The following CTNNA3 variants were observed in gnomAD, a reference collection of about 807,000 sequenced individuals.
CTNNA3 encodes the protein catenin alpha-3.
In CTNNA3, 76 loss-of-function variants were observed where a neutral mutation model predicts 95.7. The observed-to-expected ratio is 0.79, with a 90% CI of 0.66 to 0.96. The LOEUF (loss-of-function observed/expected upper bound fraction) is 0.96. Among genes scored for constraint, CTNNA3 ranks in the 40% least tolerant of loss-of-function variants. The pLI is 0.00. For synonymous variants in CTNNA3, 431 were observed against 374.4 expected (o/e 1.15, Z -1.74); for missense variants, 1,191 against 1,089.8 (o/e 1.09, Z -1.31).
At chr10:67,745,322 T>C (rs1021343849) in intron 1 of CTNNA3, among the ~76,000 whole-genome samples, 12 of 152,124 alleles carry the variant, frequency 7.9e-5, no homozygotes, top group African/African-American at 2.7e-4. Context: ...TGGAATACCA[T>C]GCAGCCATAA....
At chr10:67,097,376 T>C (rs1302494436) in intron 7 of CTNNA3, among the ~76,000 whole-genome samples, 1 of 151,880 alleles carries the variant, frequency 6.6e-6, no homozygotes, top group African/African-American at 2.4e-5. Context: ...AGTAAAGAAT[T>C]AAGCAGTTTC....
chr10:66,897,576 T>C (rs915216259), intron 7 of CTNNA3, among the ~76,000 whole-genome samples: 2 of 152,158 alleles, frequency 1.3e-5, no homozygotes, highest in African/African-American at 4.8e-5. Flanking sequence ...TGTATACTCC[T>C]GGTGGGTATT....
At chr10:67,577,239 C>T (rs1297329912) in intron 3 of CTNNA3, among the ~76,000 whole-genome samples, 5 of 151,994 alleles carry the variant, frequency 3.3e-5, no homozygotes, top group South Asian at 4.2e-4. Flanking sequence ...TTTTAATGAT[C>T]GCCATTCTAA....
At chr10:66,137,861 G>C (rs998874956) in intron 13 of CTNNA3, among the ~76,000 whole-genome samples, 9 of 152,046 alleles carry the variant, frequency 5.9e-5, no homozygotes, top group African/African-American at 2.2e-4. Context: ...AATGTCGGGG[G>C]ATGGCTTGAG....
chr10:67,318,435 G>A (rs1219463522), intron 5 of CTNNA3, among the ~76,000 whole-genome samples: 1 of 152,110 alleles, frequency 6.6e-6, no homozygotes, highest in Non-Finnish European at 1.5e-5. Flanking sequence ...GTGGATGTTG[G>A]GGGCTCACAG....
intron 10 of CTNNA3, among the ~76,000 whole-genome samples, chr10:66,537,006 G>A (rs909761646): frequency 2.6e-5 from 4 of 151,720 alleles, no homozygotes; most frequent in Admixed American, 2.6e-4. Context: ...AAAGTCCGAG[G>A]TTAAATTAGA....
chr10:66,995,619 ATTT>A (rs1301483078), intron 7 of CTNNA3, among the ~76,000 whole-genome samples: 3 of 152,128 alleles, frequency 2.0e-5, no homozygotes, highest in Non-Finnish European at 2.9e-5. Flanking sequence ...ACATCTCTAT[ATTT>A]TTTTATTAAG....
At chr10:67,296,152 TTC>T (rs1840020605) in intron 5 of CTNNA3, among the ~76,000 whole-genome samples, 1 of 152,224 alleles carries the variant, frequency 6.6e-6, no homozygotes, top group Admixed American at 6.5e-5. Context: ...GCAAAGAGGT[TTC>T]TGGAGGAAGC....
At chr10:67,068,211 G>A (rs539498430) in intron 7 of CTNNA3, among the ~76,000 whole-genome samples, 64 of 152,258 alleles carry the variant, frequency 4.2e-4, no homozygotes, top group African/African-American at 1.5e-3. Flanking sequence ...AAAGAAGGTG[G>A]ATTGGACCTG....
intron 15 of CTNNA3, among the ~76,000 whole-genome samples, chr10:66,025,177 C>T (rs2133440007): frequency 6.6e-6 from 1 of 152,358 alleles, no homozygotes; most frequent in East Asian, 1.9e-4. Context: ...ATCTCACATA[C>T]TCCAGAGTGA....
At chr10:66,416,752 C>G (rs2093149632) in intron 11 of CTNNA3, among the ~76,000 whole-genome samples, 1 of 151,760 alleles carries the variant, frequency 6.6e-6, no homozygotes, top group Non-Finnish European at 1.5e-5. Context: ...CTTTCTCAGA[C>G]AAGATAAAAC....
rs74142684 is a variant in CTNNA3 at position 66,148,743 on chromosome 10, G to A, written c.1885-45494C>T. On this transcript the variant is annotated intron_variant, in intron 13 of 17. Transcript: ENST00000433211. ...AAATAAATAAATTATCCACTCTAAA[G>A]TAATTTGTTATAGCAGCAGGAGCAG... Among the ~76,000 whole-genome samples, 124 of 151,522 alleles carry A rather than the reference G, an allele frequency of 8.2e-4. 1 individual carries two copies. The highest frequency in any genetic ancestry group is 2.8e-3 in the African/African-American group (116 of 41,112).
chr10:67,674,073 T>C (rs1840492267), intron 1 of CTNNA3, among the ~76,000 whole-genome samples: 1 of 151,892 alleles, frequency 6.6e-6, no homozygotes, highest in Admixed American at 6.6e-5. Flanking sequence ...CATTCTGTTA[T>C]GGGCTAAATT....
chr10:66,079,595 T>A (rs550065178), intron 14 of CTNNA3, among the ~76,000 whole-genome samples: 48 of 152,112 alleles, frequency 3.2e-4, no homozygotes, highest in Non-Finnish European at 6.0e-4. Flanking sequence ...AATTTCATTC[T>A]ATCTTTCTAA....
intron 16 of CTNNA3, among the ~76,000 whole-genome samples, chr10:65,986,729 C>A (rs1482787030): frequency 6.6e-6 from 1 of 150,532 alleles, no homozygotes; most frequent in Admixed American, 6.6e-5. Flanking sequence ...TTACATAGAA[C>A]CACAAAAGAC....
intron 4 of CTNNA3, among the ~76,000 whole-genome samples, chr10:67,538,709 G>A (rs1840567856): frequency 6.6e-6 from 1 of 152,118 alleles, no homozygotes; most frequent in South Asian, 2.1e-4. Context: ...ACTTAATAGA[G>A]TAGTTATATT....
At chr10:67,263,850 C>T (rs188954768) in intron 5 of CTNNA3, among the ~76,000 whole-genome samples, 82 of 152,010 alleles carry the variant, frequency 5.4e-4, no homozygotes, top group Middle Eastern at 6.8e-3. Flanking sequence ...CCCCTGGGAA[C>T]GAGAACTTCA....
intron 5 of CTNNA3, among the ~76,000 whole-genome samples, chr10:67,502,437 G>T (rs1043502331): frequency 6.6e-6 from 1 of 152,190 alleles, no homozygotes; most frequent in Non-Finnish European, 1.5e-5. Context: ...CCAGTCAGGA[G>T]GCATGGGGGT....
At chr10:66,474,846 T>C (rs907915334) in intron 11 of CTNNA3, among the ~76,000 whole-genome samples, 1 of 152,056 alleles carries the variant, frequency 6.6e-6, no homozygotes, top group Non-Finnish European at 1.5e-5. Context: ...TGATTGTATA[T>C]GGTGTTTCTT....
Sources: gnomAD v4.1 joint callset for allele counts (sites outside exome capture counted in the v4.1 genomes callset) on GRCh38, gnomAD v4.1.1 for gene constraint, MANE v1.5 for transcripts, NCBI Gene and HGNC (gene_info 2026-07-23, HGNC 2026-07-21) for gene names.